TASP1: variants seen among roughly 807,000 people sequenced by gnomAD.
TASP1 encodes taspase 1, also known as threonine aspartase 1.
Under a neutral mutation model 56.6 loss-of-function variants are expected in TASP1, and 16 were observed. The observed-to-expected ratio is 0.28, with a 90% CI of 0.19 to 0.43. The LOEUF is 0.43. Among genes scored for constraint, TASP1 ranks in the 20% least tolerant of loss-of-function variants. The pLI is 1.00. For missense variants in TASP1, 393 were observed against 511.6 expected (o/e 0.77, Z 2.24); for synonymous variants, 179 against 184.2 (o/e 0.97, Z 0.23).
chr20:13,347,820 C>T, the TASP1 span, among the ~76,000 whole-genome samples: 1,738 of 147,774 alleles, frequency 0.012, 36 homozygotes, highest in African/African-American at 0.041. Flanking sequence ...CCAGCCTGGG[C>T]GACATAGCGA....
intron 10 of TASP1, among the ~76,000 whole-genome samples, chr20:13,520,391 A>G (rs993190370): frequency 1.3e-5 from 2 of 152,216 alleles, no homozygotes; most frequent in Admixed American, 1.3e-4. Flanking sequence ...GACTACAGTA[A>G]CCAAAACAGC....
chr20:13,448,614 G>T (rs2043502096), intron 11 of TASP1, among the ~76,000 whole-genome samples: 1 of 151,904 alleles, frequency 6.6e-6, no homozygotes, highest in African/African-American at 2.4e-5. Context: ...AACGTGGCGT[G>T]GTACCCTAAA....
At chr20:13,210,663 T>G in the TASP1 span, among the ~76,000 whole-genome samples, 3 of 150,720 alleles carry the variant, frequency 2.0e-5, no homozygotes. Flanking sequence ...AGAAAAGAAC[T>G]ATACCAGAGG....
At chr20:13,203,584 T>G in the TASP1 span, among the ~76,000 whole-genome samples, 1 of 152,236 alleles carries the variant, frequency 6.6e-6, no homozygotes, top group African/African-American at 2.4e-5. Context: ...ATGGATAAAT[T>G]AATTAATTAA....
chr20:13,126,830 A>G, the TASP1 span: 1 of 1,385,648 alleles, frequency 7.2e-7, no homozygotes, highest in East Asian at 2.5e-5. Context: ...CTATTTGTAA[A>G]TCAAGCCATG....
At chr20:13,335,049 G>A in the TASP1 span, among the ~76,000 whole-genome samples, 1 of 152,164 alleles carries the variant, frequency 6.6e-6, no homozygotes. Flanking sequence ...ATTTCAAGAG[G>A]AAGATGAGAG....
At chr20:13,339,288 G>A in the TASP1 span, among the ~76,000 whole-genome samples, 11 of 152,240 alleles carry the variant, frequency 7.2e-5, no homozygotes, top group South Asian at 2.1e-3. Context: ...GCTTTCTTTT[G>A]ATCTCCAGTG....
At chr20:13,212,794 T>C in the TASP1 span, among the ~76,000 whole-genome samples, 1 of 152,198 alleles carries the variant, frequency 6.6e-6, no homozygotes, top group Admixed American at 6.5e-5. Flanking sequence ...TAAACAGCTC[T>C]TTCATGCTTA....
intron 6 of TASP1, among the ~76,000 whole-genome samples, chr20:13,580,607 G>T (rs1262448537): frequency 1.3e-5 from 2 of 152,060 alleles, no homozygotes; most frequent in Admixed American, 1.3e-4. Context: ...TTTATTCTAA[G>T]AACTTCTCAA....
At chr20:13,629,076 A>G (rs2048994908) in intron 2 of TASP1, among the ~76,000 whole-genome samples, 1 of 152,184 alleles carries the variant, frequency 6.6e-6, no homozygotes, top group Non-Finnish European at 1.5e-5. Flanking sequence ...TAAAATATTA[A>G]GAGGGTGGGC....
At chr20:13,436,042 GGAAA>G (rs2042989641) in intron 11 of TASP1, among the ~76,000 whole-genome samples, 1 of 152,102 alleles carries the variant, frequency 6.6e-6, no homozygotes, top group Non-Finnish European at 1.5e-5. Context: ...CTGACCTTTT[GGAAA>G]ACGGTAAGAA....
chr20:13,559,913 T>C (rs899354825), intron 7 of TASP1, among the ~76,000 whole-genome samples: 10 of 151,912 alleles, frequency 6.6e-5, no homozygotes, highest in African/African-American at 2.4e-4. Context: ...CAGCCGAATA[T>C]CAGAAAGCAT....
chr20:13,555,038 C>T (rs901380772), intron 8 of TASP1, among the ~76,000 whole-genome samples: 10 of 152,186 alleles, frequency 6.6e-5, no homozygotes, highest in African/African-American at 2.2e-4. Flanking sequence ...TCTTTCAAAA[C>T]TGGATTCAAC....
At chr20:13,206,576 G>A in the TASP1 span, among the ~76,000 whole-genome samples, 1 of 152,038 alleles carries the variant, frequency 6.6e-6, no homozygotes, top group African/African-American at 2.4e-5. Context: ...GAGACAGGAG[G>A]GAGGAAGGCC....
chr20:13,475,968 A>G (rs980044618), intron 11 of TASP1, among the ~76,000 whole-genome samples: 1 of 151,264 alleles, frequency 6.6e-6, no homozygotes, highest in African/African-American at 2.4e-5. Flanking sequence ...AAATACAAAA[A>G]ATTAGCTGGG....
chr20:13,116,990 A>G, the TASP1 span, among the ~76,000 whole-genome samples: 1 of 152,192 alleles, frequency 6.6e-6, no homozygotes, highest in African/African-American at 2.4e-5. Context: ...GGTCTCAAAG[A>G]CTTCCTATTT....
chr20:13,564,522 G>A (rs1346637499), intron 7 of TASP1, among the ~76,000 whole-genome samples: 2 of 150,036 alleles, frequency 1.3e-5, no homozygotes, highest in Admixed American at 6.6e-5. Flanking sequence ...GCAATCTACA[G>A]ATTCAGTGTA....
chr20:13,332,967 A>G, the TASP1 span, among the ~76,000 whole-genome samples: 1 of 152,256 alleles, frequency 6.6e-6, no homozygotes, highest in Non-Finnish European at 1.5e-5. Flanking sequence ...GGGCCATCAT[A>G]ACACTATACG....
chr20:13,423,206 G>A (rs554547299), intron 12 of TASP1, among the ~76,000 whole-genome samples: 1 of 152,084 alleles, frequency 6.6e-6, no homozygotes, highest in Non-Finnish European at 1.5e-5. Flanking sequence ...GCTCTACATG[G>A]ATATGGAACC....
Sources: gnomAD v4.1 joint callset for allele counts (sites outside exome capture counted in the v4.1 genomes callset) on GRCh38, gnomAD v4.1.1 for gene constraint, MANE v1.5 for transcripts, NCBI Gene and HGNC (gene_info 2026-07-23, HGNC 2026-07-21) for gene names.